DYNC2H1: variants seen among roughly 807,000 people sequenced by gnomAD.
DYNC2H1 encodes the protein cytoplasmic dynein 2 heavy chain 1.
DYNC2H1 carries 410 observed loss-of-function variants against 570.0 expected under a neutral mutation model. The ratio of observed to expected loss-of-function variants is 0.72; its 90% CI spans 0.66 to 0.78. The LOEUF (loss-of-function observed/expected upper bound fraction) is 0.78. Ranked by LOEUF, DYNC2H1 falls within the 30% of genes least tolerant of loss-of-function variation. The pLI, the probability that DYNC2H1 is intolerant of heterozygous loss-of-function variation, is 0.00. For missense variants in DYNC2H1, 4,865 were observed against 5,046.4 expected (o/e 0.96, Z 1.09); for synonymous variants, 1,688 against 1,677.6 (o/e 1.01, Z -0.15).
intron 82 of DYNC2H1, among the ~76,000 whole-genome samples, chr11:103,329,649 G>A (rs1938675663): frequency 6.6e-6 from 1 of 152,010 alleles, no homozygotes; most frequent in African/African-American, 2.4e-5. Context: ...CTCTCTTACA[G>A]GATTCTGAGT....
chr11:103,113,990 T>G, intron 2 of DYNC2H1, 113 bp from the exon 3 acceptor site: 1 of 1,202,596 alleles, frequency 8.3e-7, no homozygotes, highest in Non-Finnish European at 1.2e-6. Flanking sequence ...TCTTATGAAG[T>G]GGAGGTAGTG....
At chr11:103,292,514 C>A (rs1387989803) in intron 75 of DYNC2H1, among the ~76,000 whole-genome samples, 1 of 152,140 alleles carries the variant, frequency 6.6e-6, no homozygotes, top group Non-Finnish European at 1.5e-5. Flanking sequence ...TTTCAGACTT[C>A]ATAATAAAGA....
At chr11:103,396,339 TA>T (rs1213226001) in intron 83 of DYNC2H1, among the ~76,000 whole-genome samples, 4 of 152,200 alleles carry the variant, frequency 2.6e-5, no homozygotes, top group Admixed American at 2.0e-4. Flanking sequence ...ACAGTTCTAT[TA>T]AAACCCAGTC....
chr11:103,376,565 G>T (rs1329537957), intron 83 of DYNC2H1, among the ~76,000 whole-genome samples: 1 of 152,050 alleles, frequency 6.6e-6, no homozygotes, highest in African/African-American at 2.4e-5. Flanking sequence ...AACTTTGGTT[G>T]CATAACACTG....
Position 103,192,237 on chromosome 11 carries a change from G to A in DYNC2H1, c.7681G>A (p.Gly2561Ser), listed in dbSNP as rs747500072. 2.5e-6 allele frequency: 4 copies of A among 1,576,848 alleles called. No individual in the cohort carries two copies. The highest frequency in any genetic ancestry group is 3.5e-6 in the Non-Finnish European group (4 of 1,156,608). The change falls in exon 47 of 89, where the codon GGC becomes AGC. Residue 2561 changes from glycine to serine, a missense_variant. Physicochemically the swap from Gly to Ser is moderately conservative, Grantham distance 56. Around this residue, in one of 5 missense-constraint regions of DYNC2H1, gnomAD observed 2,401 missense variants for 2,454.6 expected, o/e 0.98. Transcript: ENST00000375735. ...ILTSVFQGDW[G>S]SDILDNMSDS... is the part of the protein sequence containing the mutation. ...AACATCAGTGTTTCAAGGAGATTGG[G>A]GCTCAGACATATTAGACAATATGTC...
intron 17 of DYNC2H1, among the ~76,000 whole-genome samples, chr11:103,138,564 C>T (rs1460831692): frequency 6.6e-6 from 1 of 152,104 alleles, no homozygotes; most frequent in East Asian, 1.9e-4. Flanking sequence ...GGATGAAGCC[C>T]ACTTGATCAT....
intron 65 of DYNC2H1, among the ~76,000 whole-genome samples, chr11:103,248,888 A>G (rs1336889301): frequency 6.6e-6 from 1 of 152,002 alleles, no homozygotes; most frequent in Non-Finnish European, 1.5e-5. Context: ...GACTGAAAAA[A>G]ACAAACAAAA....
chr11:103,408,890 G>C (rs943957869), intron 84 of DYNC2H1, among the ~76,000 whole-genome samples: 1 of 152,008 alleles, frequency 6.6e-6, no homozygotes, highest in Admixed American at 6.6e-5. Flanking sequence ...GGGTTAGGGC[G>C]AGTTTCTATT....
At chr11:103,432,222 A>C (rs190217924) in intron 84 of DYNC2H1, among the ~76,000 whole-genome samples, 19 of 152,272 alleles carry the variant, frequency 1.2e-4, no homozygotes, top group Admixed American at 1.1e-3. Context: ...GTAGAATAAG[A>C]GAAGACAACA....
intron 84 of DYNC2H1, among the ~76,000 whole-genome samples, chr11:103,422,308 T>G (rs1943514444): frequency 6.6e-6 from 1 of 152,084 alleles, no homozygotes; most frequent in South Asian, 2.1e-4. Flanking sequence ...TCCAAAAAAT[T>G]GAAAAGGAAA....
At chr11:103,457,588 AT>A (rs1269715866) in intron 87 of DYNC2H1, among the ~76,000 whole-genome samples, 23 of 152,280 alleles carry the variant, frequency 1.5e-4, no homozygotes, top group African/African-American at 5.5e-4. Flanking sequence ...ATATAAAACT[AT>A]TTTTATACTT....
At position 103,135,628 on chromosome 11, in the gene DYNC2H1, CTT is replaced by C; in HGVS notation, c.2340_2341del (p.Tyr781GlnfsTer12). The C allele has an allele frequency of 6.8e-6, 11 of 1,612,156 alleles. No individual in the cohort carries two copies. The highest frequency in any genetic ancestry group is 9.3e-6 in the Non-Finnish European group (11 of 1,179,360). ...TTGCCAGAAATAAATATAGACTTAACTTACAAGTAAGATGTTTTTTCAACCCC... is the reference window on the plus strand; with the variant it reads ...TTGCCAGAAATAAATATAGACTTAACACAAGTAAGATGTTTTTTCAACCCC... On this transcript the variant is annotated frameshift_variant, in exon 16 of 89. Coordinates refer to ENST00000375735, the MANE Select transcript of DYNC2H1 (RefSeq NM_001377.3). LOFTEE classifies it high-confidence loss of function.
Position 103,468,605 on chromosome 11 carries a change from T to C in DYNC2H1, c.12665T>C (p.Leu4222Pro). ...CCATGGCAGATCAGTGGCTTGTTAC[T>C]AGAAGGATGTAGTTTTGATGGAAAT... Reference protein sequence around the residue: ...KLQIKISGLLLEGCSFDGNQL... With the variant: ...KLQIKISGLLPEGCSFDGNQL... The change falls in exon 88 of 89, where the codon CTA (leucine) becomes CCA (proline). Residue 4222 changes from leucine (L) to proline (P), a missense_variant. Leu to Pro is a moderately conservative substitution (Grantham distance 98). This residue lies in a region of DYNC2H1 where 2,401 missense variants were observed against 2,454.6 expected (regional missense o/e 0.98). Coordinates refer to ENST00000375735, the MANE Select transcript of DYNC2H1 (RefSeq NM_001377.3). 1.2e-6 allele frequency: 2 copies of C among 1,613,352 alleles called. No individual in the cohort carries two copies. The highest frequency in any genetic ancestry group is 1.7e-6 in the Non-Finnish European group (2 of 1,179,532).
intron 55 of DYNC2H1, among the ~76,000 whole-genome samples, chr11:103,216,608 ATAGTGAGACCT>A (rs1863394180): frequency 6.6e-6 from 1 of 152,136 alleles, no homozygotes; most frequent in Non-Finnish European, 1.5e-5. Flanking sequence ...CCTGGGCAAT[ATAGTGAGACCT>A]TATCTCTACA....
At chr11:103,357,398 T>C (rs1940401679) in intron 82 of DYNC2H1, among the ~76,000 whole-genome samples, 1 of 152,200 alleles carries the variant, frequency 6.6e-6, no homozygotes, top group Non-Finnish European at 1.5e-5. Context: ...AGAGGAAACA[T>C]TGAAATTACA....
chr11:103,278,244 C>T (rs1446569739), intron 70 of DYNC2H1, among the ~76,000 whole-genome samples: 1 of 151,994 alleles, frequency 6.6e-6, no homozygotes, highest in Admixed American at 6.6e-5. Context: ...GTTCCATAGA[C>T]AAAAAGATTA....
chr11:103,448,277 C>A (rs1944492573), intron 85 of DYNC2H1, among the ~76,000 whole-genome samples: 1 of 152,090 alleles, frequency 6.6e-6, no homozygotes, highest in Non-Finnish European at 1.5e-5. Flanking sequence ...TGTGTATGTT[C>A]TTCCACAATA....
chr11:103,283,301 T>C (rs1405497434), intron 73 of DYNC2H1, among the ~76,000 whole-genome samples: 1 of 152,148 alleles, frequency 6.6e-6, no homozygotes, highest in Non-Finnish European at 1.5e-5. Flanking sequence ...CCAAATACAG[T>C]ATTTTCTTTC....
chr11:103,304,694 G>A lies in DYNC2H1; in HGVS notation c.11356G>A (p.Val3786Ile). 6.2e-7 allele frequency: 1 copy of A among 1,612,618 alleles called. No individual in the cohort carries two copies. The highest frequency in any genetic ancestry group is 1.7e-5 in the Admixed American group (1 of 59,914). Reference protein sequence around the residue: ...WLCLKNLHLVVSWLPVLEKEL... With the variant: ...WLCLKNLHLVISWLPVLEKEL... ...CTGTTTGAAGAACTTACATCTTGTG[G>A]TATCTTGGCTGCCAGTTCTGGAAAA... The change falls in exon 77 of 89, where the codon GTA becomes ATA. Residue 3786 changes from valine (V) to isoleucine (I), a missense_variant. Around this residue, in one of 5 missense-constraint regions of DYNC2H1, gnomAD observed 2,401 missense variants for 2,454.6 expected, o/e 0.98. Coordinates refer to ENST00000375735, the MANE Select transcript of DYNC2H1 (RefSeq NM_001377.3).
Sources: gnomAD v4.1 joint callset for allele counts (sites outside exome capture counted in the v4.1 genomes callset) on GRCh38, gnomAD v4.1.1 for gene constraint, gnomAD v4.1.1 regional missense constraint, MANE v1.5 for transcripts, NCBI Gene and HGNC (gene_info 2026-07-23, HGNC 2026-07-21) for gene names.